OLFM3: variants seen among roughly 807,000 people sequenced by gnomAD.
OLFM3 encodes the protein olfactomedin 3, also known as noelin-3.
A neutral mutation model predicts 48.6 loss-of-function variants in OLFM3; 20 were observed. The ratio of observed to expected loss-of-function variants is 0.41; its 90% confidence interval spans 0.29 to 0.60. The LOEUF is 0.60. OLFM3 is among the 20% of genes least tolerant of loss of function. The pLI, the probability that OLFM3 is intolerant of heterozygous loss-of-function variation, is 0.28. For missense variants in OLFM3, 437 were observed against 544.3 expected (o/e 0.80, Z 1.96); for synonymous variants, 222 against 198.1 (o/e 1.12, Z -1.01).
chr1:101,934,412 A>T (rs919207289), intron 1 of OLFM3, among the ~76,000 whole-genome samples: 2 of 152,236 alleles, frequency 1.3e-5, no homozygotes, highest in Non-Finnish European at 2.9e-5. Context: ...TTCAACAAGA[A>T]GAGTTGGCTA....
chr1:101,940,288 A>G (rs1659746941), intron 1 of OLFM3, among the ~76,000 whole-genome samples: 1 of 151,874 alleles, frequency 6.6e-6, no homozygotes, highest in Non-Finnish European at 1.5e-5. Flanking sequence ...TTTCAGAACC[A>G]CAATAGAGCT....
intron 1 of OLFM3, among the ~76,000 whole-genome samples, chr1:101,954,229 C>G (rs1285978379): frequency 6.6e-6 from 1 of 151,954 alleles, no homozygotes; most frequent in East Asian, 1.9e-4. Flanking sequence ...AATTATAACC[C>G]AAAAGCAAAT....
intron 1 of OLFM3, among the ~76,000 whole-genome samples, chr1:101,928,569 C>T (rs1020491524): frequency 1.3e-5 from 2 of 152,068 alleles, no homozygotes; most frequent in African/African-American, 4.8e-5. Flanking sequence ...CTTGAGAAAA[C>T]TCATTAAGTC....
intron 1 of OLFM3, among the ~76,000 whole-genome samples, chr1:101,975,706 T>C (rs1253916733): frequency 6.6e-6 from 1 of 152,148 alleles, no homozygotes; most frequent in Non-Finnish European, 1.5e-5. Flanking sequence ...CAGAGATTGC[T>C]ATTTCCACAC....
chr1:101,951,009 T>C (rs1330818425), intron 1 of OLFM3, among the ~76,000 whole-genome samples: 2 of 152,232 alleles, frequency 1.3e-5, no homozygotes, highest in African/African-American at 2.4e-5. Flanking sequence ...TTACATGGTC[T>C]ATTTAAGGTT....
intron 1 of OLFM3, among the ~76,000 whole-genome samples, chr1:101,952,171 G>T (rs1342547028): frequency 6.6e-6 from 1 of 151,934 alleles, no homozygotes; most frequent in African/African-American, 2.4e-5. Context: ...CAGCCTTCAG[G>T]ACTTAGTTCA....
chr1:101,989,550 G>A (rs533224193), intron 1 of OLFM3, among the ~76,000 whole-genome samples: 25 of 110,134 alleles, frequency 2.3e-4, no homozygotes, highest in African/African-American at 7.2e-4. Flanking sequence ...TTGTTCGTGA[G>A]TGGGGTCTAT....
chr1:101,948,888 GATATATATTTTATGCTTAT>G (rs1660038262), intron 1 of OLFM3, among the ~76,000 whole-genome samples: 1 of 146,704 alleles, frequency 6.8e-6, no homozygotes, highest in African/African-American at 2.5e-5. Flanking sequence ...TATTGTTATA[GATATATATTTTATGCTTAT>G]ATATAATAAA....
intron 1 of OLFM3, among the ~76,000 whole-genome samples, chr1:101,873,970 T>C (rs1187344203): frequency 1.3e-5 from 2 of 151,910 alleles, no homozygotes; most frequent in East Asian, 3.9e-4. Context: ...GAGAAAATAT[T>C]TTGACTATTA....
At chr1:101,926,711 G>A (rs1293386322) in intron 1 of OLFM3, among the ~76,000 whole-genome samples, 1 of 152,166 alleles carries the variant, frequency 6.6e-6, no homozygotes, top group Non-Finnish European at 1.5e-5. Flanking sequence ...TTTAGTGGCA[G>A]TCATTTCTGA....
intron 1 of OLFM3, among the ~76,000 whole-genome samples, chr1:101,947,177 T>C (rs944441530): frequency 6.6e-6 from 1 of 152,218 alleles, no homozygotes; most frequent in African/African-American, 2.4e-5. Flanking sequence ...ATGAATTACT[T>C]TTTAAAATGT....
chr1:101,941,724 A>G (rs1659800880), intron 1 of OLFM3, among the ~76,000 whole-genome samples: 1 of 152,186 alleles, frequency 6.6e-6, no homozygotes, highest in South Asian at 2.1e-4. Flanking sequence ...GTATCTCTTT[A>G]TCCTTGCTAA....
chr1:101,858,982 A>G (rs1299959132), intron 1 of OLFM3, among the ~76,000 whole-genome samples: 8 of 152,058 alleles, frequency 5.3e-5, no homozygotes, highest in Non-Finnish European at 1.2e-4. Context: ...GCTTCAATAA[A>G]TTTCCCAAGA....
chr1:101,920,278 C>A (rs1659053904), intron 1 of OLFM3, among the ~76,000 whole-genome samples: 1 of 152,162 alleles, frequency 6.6e-6, no homozygotes, highest in Admixed American at 6.5e-5. Context: ...AATCCAAAGT[C>A]AGGATAGTGG....
chr1:101,954,078 A>G (rs1660221446), intron 1 of OLFM3, among the ~76,000 whole-genome samples: 1 of 152,152 alleles, frequency 6.6e-6, no homozygotes, highest in Admixed American at 6.6e-5. Context: ...GTATAGATTC[A>G]TATCTGAGTA....
chr1:101,878,969 G>A (rs1657409581), intron 1 of OLFM3, among the ~76,000 whole-genome samples: 1 of 151,824 alleles, frequency 6.6e-6, no homozygotes, highest in Non-Finnish European at 1.5e-5. Context: ...ACCACATTTG[G>A]TAACATATTG....
At chr1:101,893,321 A>G (rs571390014) in intron 1 of OLFM3, 4 of 377,930 alleles carry the variant, frequency 1.1e-5, no homozygotes, top group Non-Finnish European at 1.6e-5. Context: ...AATTCATCAG[A>G]TAGAACCCGG....
rs370626617 is a variant in OLFM3 at position 101,889,389 on chromosome 1, A to C, written c.70-52364T>G. ...AAGCTGGAAGCCATCATTCTGAGCA[A>C]ACTATTGAAAGGACAGAAAGCGAAA... On this transcript the variant is annotated intron_variant, in intron 1 of 5. Transcript: ENST00000370103. Among the ~76,000 whole-genome samples the C allele has an allele frequency of 1.6e-4, 24 of 152,284 alleles. 1 individual carries two copies. Among genetic ancestry groups the C allele is most frequent in the African/African-American group, 5.8e-4 (24 of 41,580 alleles).
rs573783194 is a variant in OLFM3, at chr1:101,930,743, T to A, written c.69+66005A>T. On this transcript the variant is annotated intron_variant, in intron 1 of 5. Coordinates refer to ENST00000370103, the MANE Select transcript of OLFM3 (RefSeq NM_058170.4). ...AGAATCTCTTGTAGAGGAGCTGCCG[T>A]TATGATCTTTCCTTTGCAGATGAGA... is the stretch of plus-strand genomic sequence containing the variant. 3.9e-5 allele frequency among the ~76,000 whole-genome samples: 6 copies of A among 152,338 alleles called. No individual in the cohort carries two copies. The South Asian group carries it at 1.2e-3, about 32-fold the overall frequency.
Sources: allele counts gnomAD v4.1 joint callset (sites outside exome capture counted in the v4.1 genomes callset), GRCh38; gene constraint gnomAD v4.1.1; transcripts MANE v1.5; gene names NCBI Gene and HGNC (gene_info 2026-07-23, HGNC 2026-07-21).